TANGO6: variants seen among roughly 807,000 people sequenced by gnomAD.
The protein encoded by TANGO6 is transport and golgi organization 6 homolog.
TANGO6 carries 90 observed loss-of-function variants against 114.2 expected under a neutral mutation model. That is an observed-to-expected ratio of 0.79 (90% CI 0.66 to 0.94). The LOEUF is 0.94. Ranked by LOEUF, TANGO6 falls within the 40% of genes least tolerant of loss-of-function variation. The probability of loss-of-function intolerance (pLI) is 0.00; values close to 1 mark genes in which losing one functional copy is unlikely to be tolerated. For synonymous variants in TANGO6, 477 were observed against 509.8 expected (o/e 0.94, Z 0.87); for missense variants, 1,274 against 1,315.3 (o/e 0.97, Z 0.49).
In TANGO6 at chr16:68,927,718, A is replaced by G; in HGVS notation, c.2278A>G (p.Ser760Gly). The part of the protein sequence containing the change: ...THGAFATEAV[S>G]MAAQSTLNRK... Reference sequence around the variant, plus strand: ...TGGAGCCTTTGCCACTGAGGCCGTCAGCATGGCTGCCCAAAGTACACTGAA... The same window carrying G: ...TGGAGCCTTTGCCACTGAGGCCGTCGGCATGGCTGCCCAAAGTACACTGAA... Residue 760 changes from serine (S) to glycine (G), a missense_variant, in exon 13 of 18, where the codon AGC becomes GGC. Ser to Gly is a moderately conservative substitution (Grantham distance 56). Around this residue, in one of 5 missense-constraint regions of TANGO6, gnomAD observed 908 missense variants for 910.2 expected, o/e 1.00. Coordinates refer to ENST00000261778, the MANE Select transcript of TANGO6 (RefSeq NM_024562.2). The G allele has an allele frequency of 6.2e-7, 1 of 1,614,042 alleles. No homozygotes were observed. The highest frequency in any genetic ancestry group is 8.5e-7 in the Non-Finnish European group (1 of 1,179,898).
At chr16:68,957,192 G>A (rs532368828) in intron 14 of TANGO6, among the ~76,000 whole-genome samples, 1 of 151,864 alleles carries the variant, frequency 6.6e-6, no homozygotes, top group South Asian at 2.1e-4. Flanking sequence ...CATAAAGTTG[G>A]CCATTTTAAT....
At chr16:68,979,074 C>G (rs1006158976) in intron 15 of TANGO6, among the ~76,000 whole-genome samples, 45 of 151,826 alleles carry the variant, frequency 3.0e-4, no homozygotes, top group African/African-American at 1.1e-3. Flanking sequence ...TGTGCGCCAC[C>G]ATACCTGGCT....
intron 15 of TANGO6, among the ~76,000 whole-genome samples, chr16:69,015,885 C>T (rs1959288533): frequency 6.6e-6 from 1 of 152,136 alleles, no homozygotes. Flanking sequence ...ATGCTCTTGA[C>T]TTATATGGCC....
intron 14 of TANGO6, among the ~76,000 whole-genome samples, chr16:68,963,103 A>AT (rs1401789323): frequency 1.3e-5 from 2 of 151,100 alleles, no homozygotes; most frequent in African/African-American, 4.8e-5. Context: ...AAAAAAAAAA[A>AT]AAAAGCTTGT....
chr16:68,971,791 C>T (rs1963707553), intron 14 of TANGO6, among the ~76,000 whole-genome samples: 1 of 151,866 alleles, frequency 6.6e-6, no homozygotes, highest in Non-Finnish European at 1.5e-5. Flanking sequence ...GATACCACGC[C>T]CAGCTAACTT....
At chr16:68,951,601 T>C (rs1391295872) in intron 14 of TANGO6, among the ~76,000 whole-genome samples, 1 of 150,842 alleles carries the variant, frequency 6.6e-6, no homozygotes, top group Non-Finnish European at 1.5e-5. Flanking sequence ...CACAACACCA[T>C]GGCCTCTGTT....
chr16:69,036,641 A>G (rs1417590128), intron 16 of TANGO6, among the ~76,000 whole-genome samples: 1 of 152,134 alleles, frequency 6.6e-6, no homozygotes, highest in African/African-American at 2.4e-5. Context: ...TCTCTCAGTC[A>G]TACCTTCAAG....
chr16:69,005,105 T>G (rs192272334), intron 15 of TANGO6, among the ~76,000 whole-genome samples: 44 of 152,242 alleles, frequency 2.9e-4, no homozygotes, highest in African/African-American at 1.0e-3. Context: ...CCCAAAGGCA[T>G]GAGACCTAAC....
intron 14 of TANGO6, among the ~76,000 whole-genome samples, chr16:68,965,798 C>G (rs1254016758): frequency 6.6e-6 from 1 of 151,324 alleles, no homozygotes; most frequent in Non-Finnish European, 1.5e-5. Context: ...AACTCTGTCT[C>G]AAAATAACAA....
chr16:68,911,720 A>G (rs1382251443), intron 11 of TANGO6, among the ~76,000 whole-genome samples: 1 of 152,138 alleles, frequency 6.6e-6, no homozygotes, highest in Non-Finnish European at 1.5e-5. Context: ...AGCCCAATTT[A>G]TAGTTTCTAA....
At chr16:68,945,375 T>C (rs1215676214) in intron 14 of TANGO6, among the ~76,000 whole-genome samples, 1 of 151,954 alleles carries the variant, frequency 6.6e-6, no homozygotes, top group East Asian at 1.9e-4. Flanking sequence ...TTTATTTTAT[T>C]TTTTTTTAAT....
intron 3 of TANGO6, 29 bp from the exon 4 acceptor site, chr16:68,867,050 C>A: frequency 2.9e-6 from 4 of 1,397,972 alleles, no homozygotes; most frequent in Non-Finnish European, 3.8e-6. Context: ...CAGTGACATT[C>A]AGAATTCACA....
chr16:68,874,914 C>T (rs1406538738), intron 4 of TANGO6, among the ~76,000 whole-genome samples: 5 of 152,202 alleles, frequency 3.3e-5, no homozygotes, highest in Admixed American at 2.0e-4. Flanking sequence ...CATGCCACTA[C>T]ATTCCAGCCT....
chr16:68,876,462 G>C (rs917919530), intron 5 of TANGO6, among the ~76,000 whole-genome samples: 1 of 152,070 alleles, frequency 6.6e-6, no homozygotes, highest in Non-Finnish European at 1.5e-5. Context: ...TGCCAGGCCA[G>C]TGCTAATTTT....
chr16:69,083,382 G>C (rs367763629), intron 17 of TANGO6, 103 bp from the exon 18 acceptor site: 70 of 1,354,210 alleles, frequency 5.2e-5, no homozygotes, highest in East Asian at 4.6e-4. Flanking sequence ...GAAGTCTGTG[G>C]ATGTCCTCAC....
At chr16:68,936,121 C>T (rs1404194446) in intron 14 of TANGO6, among the ~76,000 whole-genome samples, 1 of 152,118 alleles carries the variant, frequency 6.6e-6, no homozygotes, top group East Asian at 1.9e-4. Flanking sequence ...GAGGTTAAGG[C>T]TGCAGAGAGT....
intron 1 of TANGO6, among the ~76,000 whole-genome samples, chr16:68,845,231 G>T (rs1240372393): frequency 1.8e-4 from 28 of 152,124 alleles, no homozygotes; most frequent in Non-Finnish European, 1.0e-4. Context: ...GCCTCCCAAA[G>T]TGCTGGGATT....
At chr16:68,970,460 G>C (rs779358947) in intron 14 of TANGO6, among the ~76,000 whole-genome samples, 3 of 151,750 alleles carry the variant, frequency 2.0e-5, no homozygotes, top group Non-Finnish European at 4.4e-5. Flanking sequence ...CTGAGGTCAG[G>C]AGTTTGAGAC....
At chr16:68,885,672 CATG>C (rs1962530428) in intron 7 of TANGO6, 1 of 152,308 alleles carries the variant, frequency 6.6e-6, no homozygotes, top group Admixed American at 6.5e-5. Context: ...TGCACTGGAG[CATG>C]ATGTTTTTAA....
Sources: gnomAD v4.1 joint callset for allele counts (sites outside exome capture counted in the v4.1 genomes callset) on GRCh38, gnomAD v4.1.1 for gene constraint, gnomAD v4.1.1 regional missense constraint, MANE v1.5 for transcripts, NCBI Gene and HGNC (gene_info 2026-07-23, HGNC 2026-07-21) for gene names.